Variants in GLIS1 observed in about 807,000 individuals in gnomAD.
GLIS1 encodes zinc finger protein GLIS1.
Under a neutral mutation model 63.8 loss-of-function variants are expected in GLIS1, and 24 were observed. That is an observed-to-expected ratio of 0.38 (90% CI 0.27 to 0.53). GLIS1 has a LOEUF of 0.53. Among genes scored for constraint, GLIS1 ranks in the 20% least tolerant of loss-of-function variants. The pLI, the probability that GLIS1 is intolerant of heterozygous loss-of-function variation, is 0.85. For synonymous variants in GLIS1, 450 were observed against 482.5 expected, an observed-to-expected ratio of 0.93 and a Z score of 0.88; for missense variants, 1,036 against 1,074.1, an observed-to-expected ratio of 0.96 and a Z score of 0.50.
At chr1:53,712,048 A>G (rs559155807) in intron 2 of GLIS1, among the ~76,000 whole-genome samples, 4 of 152,282 alleles carry the variant, frequency 2.6e-5, no homozygotes, top group East Asian at 3.9e-4. Flanking sequence ...TTTAAGTCCA[A>G]TCTTCTTTTC....
chr1:53,540,312 G>A (rs575236546), intron 4 of GLIS1, among the ~76,000 whole-genome samples: 36 of 152,238 alleles, frequency 2.4e-4, no homozygotes, highest in African/African-American at 7.7e-4. Flanking sequence ...GGCTGTGAGC[G>A]CTGCTTCAGG....
chr1:53,637,714 C>G (rs2100275695), intron 2 of GLIS1, among the ~76,000 whole-genome samples: 1 of 152,254 alleles, frequency 6.6e-6, no homozygotes, highest in Admixed American at 6.5e-5. Context: ...ATACAAGGGT[C>G]CTGCAGGCTT....
At chr1:53,593,031 C>T (rs1409401681) in intron 4 of GLIS1, among the ~76,000 whole-genome samples, 2 of 152,270 alleles carry the variant, frequency 1.3e-5, no homozygotes, top group African/African-American at 4.8e-5. Flanking sequence ...GACACTATGC[C>T]CCTTCCCAGA....
intron 2 of GLIS1, among the ~76,000 whole-genome samples, chr1:53,722,379 T>A (rs1001016316): frequency 6.6e-6 from 1 of 152,332 alleles, no homozygotes; most frequent in African/African-American, 2.4e-5. Context: ...ATTATGCACA[T>A]GCAAGTAATA....
intron 2 of GLIS1, among the ~76,000 whole-genome samples, chr1:53,628,351 T>G (rs2948056): frequency 0.95 from 144,605 of 152,192 alleles, 69,012 homozygotes; most frequent in East Asian, 1. Context: ...GGCCACACAG[T>G]AGATGCTCAA....
intron 2 of GLIS1, among the ~76,000 whole-genome samples, chr1:53,608,189 T>C (rs1645391275): frequency 6.6e-6 from 1 of 152,160 alleles, no homozygotes; most frequent in African/African-American, 2.4e-5. Flanking sequence ...TTTTGAACTC[T>C]TGGGCTCAAG....
intron 4 of GLIS1, among the ~76,000 whole-genome samples, chr1:53,547,201 CTG>C (rs1295216550): frequency 1.3e-5 from 2 of 152,364 alleles, no homozygotes; most frequent in Admixed American, 6.5e-5. Flanking sequence ...GATGGGAAGA[CTG>C]GGGCTGGGTA....
In GLIS1 at chr1:53,642,321, G is replaced by C. The variant is rs953568471; in HGVS notation, c.260-42043C>G. Among the ~76,000 whole-genome samples, 4 of 152,222 alleles carry C rather than the reference G, an allele frequency of 2.6e-5. No individual in the cohort carries two copies. In the East Asian group the frequency reaches 7.7e-4, roughly 29 times the overall value. On this transcript the variant is annotated intron_variant, in intron 2 of 10. Transcript: ENST00000628545. Reference sequence around the variant, plus strand: ...TTGCTTTGATGGAAGGCGAGCACTGGAGAGATTGTTCTGGACATTACAGGC... The same window carrying C: ...TTGCTTTGATGGAAGGCGAGCACTGCAGAGATTGTTCTGGACATTACAGGC...
chr1:53,635,317 A>G (rs1253120638), intron 2 of GLIS1, among the ~76,000 whole-genome samples: 1 of 152,200 alleles, frequency 6.6e-6, no homozygotes, highest in African/African-American at 2.4e-5. Flanking sequence ...GAAAAAGACA[A>G]TCAGAAATCT....
chr1:53,533,148 ACTC>A (rs1557436155), intron 4 of GLIS1, among the ~76,000 whole-genome samples: 1 of 151,574 alleles, frequency 6.6e-6, no homozygotes, highest in Non-Finnish European at 1.5e-5. Context: ...GCAAACATCT[ACTC>A]CTGTTGCTTA....
chr1:53,603,656 A>G (rs1012491037), intron 2 of GLIS1, among the ~76,000 whole-genome samples: 1 of 152,188 alleles, frequency 6.6e-6, no homozygotes, highest in Admixed American at 6.5e-5. Context: ...GCATGGATGG[A>G]TGGATCCTTC....
At position 53,572,491 on chromosome 1, in the gene GLIS1, C is replaced by T. The variant is rs928109705; in HGVS notation, c.1320+21617G>A. 5.3e-5 allele frequency among the ~76,000 whole-genome samples: 8 copies of T among 152,236 alleles called. No individual in the cohort carries two copies. The East Asian group carries it at 1.5e-3, about 29-fold the overall frequency. On this transcript the variant is annotated intron_variant, in intron 4 of 10. Transcript: ENST00000628545. ...ACCAGCTGTCCTCTCTACCTGTTTG[C>T]CCACCTCCCTTTGGGCTGCAGTGGG...
At chr1:53,516,536 TA>T (rs879486758) in intron 7 of GLIS1, among the ~76,000 whole-genome samples, 1,453 of 144,462 alleles carry the variant, frequency 0.01, 8 homozygotes, top group Admixed American at 0.011. Flanking sequence ...TGGAAACCGT[TA>T]AAAAAAAAAA....
chr1:53,596,210 G>A (rs537061091), intron 3 of GLIS1, among the ~76,000 whole-genome samples: 8 of 152,316 alleles, frequency 5.3e-5, no homozygotes, highest in Admixed American at 3.9e-4. Flanking sequence ...CCACCACTGC[G>A]CAGGAGGCCA....
chr1:53,697,455 A>G (rs7554633), intron 2 of GLIS1, among the ~76,000 whole-genome samples: 39,377 of 151,880 alleles, frequency 0.26, 5,593 homozygotes, highest in African/African-American at 0.38. Flanking sequence ...CCACCCCCCC[A>G]AGTCCCACCC....
In GLIS1 at chr1:53,509,158, T is replaced by C. The variant is rs1644269202; in HGVS notation, c.2192A>G (p.Asn731Ser). 4 of 1,597,454 alleles carry C rather than the reference T, an allele frequency of 2.5e-6. No individual in the cohort carries two copies. Among genetic ancestry groups the C allele is most frequent in the Admixed American group, 3.4e-5 (2 of 58,662 alleles). The change falls in exon 10 of 11, where the codon AAT becomes AGT. Residue 731 changes from asparagine (N) to serine (S), a missense_variant. Transcript: ENST00000628545. ...ETHGFNPLRP[N>S]GYHSLSTPLP... ...GGGCGTGCTGAGGCTGTGGTAGCCA[T>C]TGGGCCGCAGGGGGTTGAAACCGTG... is the stretch of plus-strand genomic sequence containing the variant.
At chr1:53,734,284 T>C (rs1646892287) in intron 2 of GLIS1, 1 of 750,434 alleles carries the variant, frequency 1.3e-6, no homozygotes, top group African/African-American at 1.9e-5. Context: ...TCTGGACAAA[T>C]GGAATCATGT....
chr1:53,682,273 G>A (rs890292330), intron 2 of GLIS1, among the ~76,000 whole-genome samples: 6 of 152,232 alleles, frequency 3.9e-5, no homozygotes, highest in Non-Finnish European at 8.8e-5. Flanking sequence ...GCAAGCAGCC[G>A]CTGACACAGC....
At chr1:53,634,125 G>A (rs533765903) in intron 2 of GLIS1, among the ~76,000 whole-genome samples, 3 of 152,302 alleles carry the variant, frequency 2.0e-5, no homozygotes, top group African/African-American at 7.2e-5. Context: ...GAGACGATGG[G>A]AGAAGGAACG....
Sources: gnomAD v4.1 joint callset for allele counts (sites outside exome capture counted in the v4.1 genomes callset) on GRCh38, gnomAD v4.1.1 for gene constraint, MANE v1.5 for transcripts, NCBI Gene and HGNC (gene_info 2026-07-23, HGNC 2026-07-21) for gene names.